Variants in ZSCAN2 observed in about 807,000 individuals in gnomAD.
ZSCAN2 encodes the protein zinc finger and SCAN domain containing 2, also known as zinc finger and SCAN domain-containing protein 2.
In ZSCAN2, 26 loss-of-function variants were observed where a neutral mutation model predicts 47.8. That is an observed-to-expected ratio of 0.54 (90% CI 0.40 to 0.75). The LOEUF is 0.75. Ranked by LOEUF, ZSCAN2 falls within the 30% of genes least tolerant of loss-of-function variation. The pLI, the probability that ZSCAN2 is intolerant of heterozygous loss-of-function variation, is 0.00. For missense variants in ZSCAN2, 732 were observed against 785.4 expected, an observed-to-expected ratio of 0.93 and a Z score of 0.81; for synonymous variants, 305 against 288.7, an observed-to-expected ratio of 1.06 and a Z score of -0.57.
chr15:84,618,252 T>C (rs1351584443), intron 2 of ZSCAN2, among the ~76,000 whole-genome samples: 2 of 151,932 alleles, frequency 1.3e-5, no homozygotes, highest in East Asian at 3.9e-4. Context: ...ACCCCATCTC[T>C]ACTAAAAATA....
intron 2 of ZSCAN2, among the ~76,000 whole-genome samples, chr15:84,613,981 CT>C (rs35815000): frequency 3.4e-4 from 18 of 52,338 alleles, no homozygotes; most frequent in East Asian, 8.9e-4. Context: ...CTCTTGGCCT[CT>C]TTTTTTTTTT....
At chr15:84,609,291 A>G (rs1330544506) in intron 2 of ZSCAN2, among the ~76,000 whole-genome samples, 1 of 149,244 alleles carries the variant, frequency 6.7e-6, no homozygotes, top group African/African-American at 2.5e-5. Flanking sequence ...TATATCATAT[A>G]TGATATATGA....
chr15:84,619,264 T>TA lies in ZSCAN2; in HGVS notation c.407-1338_407-1337insA, dbSNP rs757625944. 2.1e-4 allele frequency among the ~76,000 whole-genome samples: 32 copies of TA among 151,992 alleles called. No homozygotes were observed. The South Asian group carries it at 2.7e-3, about 13-fold the overall frequency. On this transcript the variant is annotated intron_variant, in intron 2 of 2. Transcript: ENST00000546148. ...GGCTAACATGGTGAAACCCCGTCTC[T>TA]CTAAAAATACAAAAAATTAGCCGGG...
chr15:84,615,822 A>G (rs1173161621), intron 2 of ZSCAN2, among the ~76,000 whole-genome samples: 1 of 151,776 alleles, frequency 6.6e-6, no homozygotes, highest in African/African-American at 2.4e-5. Flanking sequence ...CTTCTAGTGT[A>G]CATTTAATCT....
Position 84,614,067 on chromosome 15 carries a change from T to C in ZSCAN2, c.407-6535T>C, listed in dbSNP as rs552399656. Among the ~76,000 whole-genome samples, 70 of 145,054 alleles carry C rather than the reference T, an allele frequency of 4.8e-4. 1 individual carries two copies. Among genetic ancestry groups the C allele is most frequent in the Admixed American group, 4.6e-3 (64 of 13,914 alleles). ...ATGCAGTAGCATGATCATAGTTTAC[T>C]ATAATCTCAAACTCCTGGCCTCAAG... On this transcript the variant is annotated intron_variant, in intron 2 of 2. Coordinates refer to ENST00000546148, the MANE Select transcript of ZSCAN2 (RefSeq NM_181877.4).
chr15:84,620,189 C>A (rs1164004993), intron 2 of ZSCAN2, among the ~76,000 whole-genome samples: 1 of 152,144 alleles, frequency 6.6e-6, no homozygotes, highest in Admixed American at 6.5e-5. Flanking sequence ...AGAAAAGATG[C>A]AGTGTTTGGT....
intron 2 of ZSCAN2, among the ~76,000 whole-genome samples, chr15:84,610,883 T>TCATG (rs1160500138): frequency 7.2e-5 from 11 of 152,206 alleles, no homozygotes; most frequent in African/African-American, 2.4e-4. Context: ...ATGTAGCAGA[T>TCATG]CATGAGTCAA....
At chr15:84,604,468 GCAGT>G (rs1374929922) in intron 2 of ZSCAN2, 135 bp downstream of exon 2, 4 of 1,163,208 alleles carry the variant, frequency 3.4e-6, no homozygotes, top group Admixed American at 2.8e-5. Flanking sequence ...CTGTCTGCAG[GCAGT>G]CAGCGTGTTC....
At position 84,621,814 on chromosome 15, in the gene ZSCAN2, G is replaced by C; in HGVS notation, c.1619G>C (p.Ser540Thr). The change falls in exon 3 of 3, where the codon AGC becomes ACC. Residue 540 changes from serine to threonine, a missense_variant. Physicochemically the swap from Ser to Thr is moderately conservative, Grantham distance 58. Coordinates refer to ENST00000546148, the MANE Select transcript of ZSCAN2 (RefSeq NM_181877.4). The surrounding 1 kb of genome is among the most constrained non-coding windows in gnomAD (Gnocchi z 5.7). ...TGCCTCATGTGCGGCAAGAGCTTCA[G>C]CCGGGGCTCCATTCTGGTCATGCAC... ...YKCLMCGKSF[S>T]RGSILVMHQR... 2.5e-6 allele frequency: 4 copies of C among 1,614,234 alleles called. No homozygotes were observed. The highest frequency in any genetic ancestry group is 3.4e-6 in the Non-Finnish European group (4 of 1,180,040).
intron 2 of ZSCAN2, chr15:84,616,672 A>T: frequency 1.8e-6 from 2 of 1,099,188 alleles, no homozygotes; most frequent in South Asian, 8.4e-5. Context: ...AACAGCAAAA[A>T]CAGCCTTATT....
Position 84,603,895 on chromosome 15 carries a change from C to G in ZSCAN2, c.-33C>G, listed in dbSNP as rs1238333394. 16 of 1,588,508 alleles carry G rather than the reference C, an allele frequency of 1.0e-5. No homozygotes were observed. Among genetic ancestry groups the G allele is most frequent in the Middle Eastern group, 1.7e-4 (1 of 5,950 alleles). On this transcript the variant is annotated 5_prime_UTR_variant, in exon 2 of 3. Coordinates refer to ENST00000546148, the MANE Select transcript of ZSCAN2 (RefSeq NM_181877.4). ...GGCTGGAGAAGACTGAGGTCCAAGG[C>G]TTGAAGCCTAAGTGATTGCCCCAGG...
Position 84,621,883 on chromosome 15 carries a change from G to T in ZSCAN2, c.1688G>T (p.Cys563Phe). The change falls in exon 3 of 3, where the codon TGT (cysteine) becomes TTT (phenylalanine). Residue 563 changes from cysteine to phenylalanine, a missense_variant. Transcript: ENST00000546148. This position sits in a 1 kb window ranked among gnomAD's most constrained non-coding sequence, Gnocchi z 5.7. ...GACAAGCCCTACAGGTGCCCTGAGT[G>T]TGGGAAAGGCTTTAGCTGGAACTCA... is the stretch of plus-strand genomic sequence containing the variant. ...LGDKPYRCPE[C>F]GKGFSWNSVL... 1 of 1,614,234 alleles carries T rather than the reference G, an allele frequency of 6.2e-7. No individual in the cohort carries two copies. Among genetic ancestry groups the T allele is most frequent in the Non-Finnish European group, 8.5e-7 (1 of 1,180,042 alleles).
intron 2 of ZSCAN2, among the ~76,000 whole-genome samples, chr15:84,620,123 G>T (rs1895782797): frequency 6.6e-6 from 1 of 152,008 alleles, no homozygotes; most frequent in Non-Finnish European, 1.5e-5. Context: ...GCCCCAGGGT[G>T]TGTTATTTCC....
At chr15:84,608,872 G>A (rs1022794932) in intron 2 of ZSCAN2, among the ~76,000 whole-genome samples, 9 of 152,192 alleles carry the variant, frequency 5.9e-5, no homozygotes, top group African/African-American at 2.2e-4. Flanking sequence ...GTTAGACTAG[G>A]ACTGTCAGTC....
At chr15:84,614,107 C>A (rs1018728921) in intron 2 of ZSCAN2, among the ~76,000 whole-genome samples, 7 of 150,836 alleles carry the variant, frequency 4.6e-5, no homozygotes, top group African/African-American at 1.7e-4. Flanking sequence ...CCTCCCACCT[C>A]AGGTTCCTGA....
At chr15:84,606,050 C>T (rs1180404259) in intron 2 of ZSCAN2, among the ~76,000 whole-genome samples, 2 of 152,200 alleles carry the variant, frequency 1.3e-5, no homozygotes, top group Admixed American at 1.3e-4. Flanking sequence ...CTAAGAGACA[C>T]TTCCTAGTGG....
At chr15:84,603,758 G>A in intron 1 of ZSCAN2, 62 bp from the exon 2 acceptor site, 1 of 740,072 alleles carries the variant, frequency 1.4e-6, no homozygotes. Context: ...CTGGGCTTTT[G>A]TGAGTTAGAT....
chr15:84,622,078 G>C lies in ZSCAN2; in HGVS notation c.*38G>C. 6.6e-7 allele frequency: 1 copy of C among 1,520,282 alleles called. No homozygotes were observed. The highest frequency in any genetic ancestry group is 8.9e-7 in the Non-Finnish European group (1 of 1,121,142). The allele number at this position is 1,520,282 out of a possible 1,614,324, so 94.2% of individuals were successfully genotyped here. ...TGAAAGTGAGGGACTGGCCTGGAGT[G>C]GGAGTTGCCACACTGCCCCAACAGT... On this transcript the variant is annotated 3_prime_UTR_variant, in exon 3 of 3. Transcript: ENST00000546148.
intron 2 of ZSCAN2, among the ~76,000 whole-genome samples, chr15:84,617,487 C>T (rs957184304): frequency 6.6e-6 from 1 of 152,076 alleles, no homozygotes; most frequent in African/African-American, 2.4e-5. Flanking sequence ...CCTGGTTCTG[C>T]CGAGTCAGAG....
Sources: allele counts gnomAD v4.1 joint callset (sites outside exome capture counted in the v4.1 genomes callset), GRCh38; gene constraint gnomAD v4.1.1; non-coding constraint Gnocchi (gnomAD v3.1); transcripts MANE v1.5; gene names NCBI Gene and HGNC (gene_info 2026-07-23, HGNC 2026-07-21).